The following GSN variants were observed in gnomAD, a reference collection of about 807,000 sequenced individuals.
GSN encodes the protein gelsolin.
In GSN, 56 loss-of-function variants were observed where a neutral mutation model predicts 85.7. The ratio of observed to expected loss-of-function variants is 0.65; its 90% confidence interval spans 0.53 to 0.82. The LOEUF is 0.82. GSN is among the 40% of genes least tolerant of loss of function. The pLI, the probability that GSN is intolerant of heterozygous loss-of-function variation, is 0.00. For missense variants in GSN, 857 were observed against 979.8 expected, an observed-to-expected ratio of 0.87 and a Z score of 1.67; for synonymous variants, 373 against 399.1, an observed-to-expected ratio of 0.93 and a Z score of 0.78.
At chr9:121,303,149 T>C (rs1455488892) in intron 4 of GSN, 84 bp downstream of exon 4, 1 of 1,368,970 alleles carries the variant, frequency 7.3e-7, no homozygotes, top group Non-Finnish European at 1.0e-6. Flanking sequence ...TCTTTTGGCC[T>C]TGTGATGCAG....
At position 121,320,034 on chromosome 9, in the gene GSN, G is replaced by A. The variant is rs990149022; in HGVS notation, c.1191+1154G>A. Among the ~76,000 whole-genome samples, 7 of 152,274 alleles carry A rather than the reference G, an allele frequency of 4.6e-5. No homozygotes were observed. In the East Asian group the frequency reaches 7.7e-4, roughly 17 times the overall value. ...GCAATGAAAATATTTCGGGTGGGGC[G>A]GTGTGGTAAGACCCCTGGCAGCCTG... On this transcript the variant is annotated intron_variant, in intron 10 of 17. Coordinates refer to ENST00000432226, the MANE Select transcript of GSN (RefSeq NM_198252.3).
At chr9:121,279,549 G>A (rs2057088838) in intron 1 of GSN, among the ~76,000 whole-genome samples, 1 of 152,078 alleles carries the variant, frequency 6.6e-6, no homozygotes. Flanking sequence ...CTGGAGGGGA[G>A]AGTGACAGAG....
Position 121,302,040 on chromosome 9 carries a change from G to A in GSN, c.69G>A (p.Glu23=), listed in dbSNP as rs1023047095. ...KEPGLQIWRV[E]KFDLVPVPTN... Reference sequence around the variant, plus strand: ...CTGGCCTGCAGATCTGGCGTGTGGAGAAGTTCGATCTGGTGCCCGTGCCCA... The same window carrying A: ...CTGGCCTGCAGATCTGGCGTGTGGAAAAGTTCGATCTGGTGCCCGTGCCCA... Residue 23 remains glutamate, a synonymous_variant, in exon 3 of 18, where the codon GAG becomes GAA. Transcript: ENST00000432226. 1.2e-6 allele frequency: 2 copies of A among 1,614,266 alleles called. No individual in the cohort carries two copies. The highest frequency in any genetic ancestry group is 3.3e-5 in the Admixed American group (2 of 60,034).
At chr9:121,321,449 C>A (rs1236122577) in intron 11 of GSN, 48 bp downstream of exon 11, 1 of 1,595,482 alleles carries the variant, frequency 6.3e-7, no homozygotes, top group Non-Finnish European at 8.6e-7. Flanking sequence ...ACTGGCTGGG[C>A]CCTGAGCAGG....
intron 4 of GSN, among the ~76,000 whole-genome samples, chr9:121,303,989 T>C (rs1248666987): frequency 6.6e-6 from 1 of 152,224 alleles, no homozygotes; most frequent in Non-Finnish European, 1.5e-5. Context: ...GACCCAGGAC[T>C]AGAACCCAGA....
chr9:121,251,981 A>G (rs1224781774), intron 6 of GSN, among the ~76,000 whole-genome samples: 1 of 152,162 alleles, frequency 6.6e-6, no homozygotes, highest in African/African-American at 2.4e-5. Flanking sequence ...CAAACAAACA[A>G]AAGACATACA....
At chr9:121,255,900 A>G (rs1004521782) in intron 6 of GSN, among the ~76,000 whole-genome samples, 3 of 152,220 alleles carry the variant, frequency 2.0e-5, no homozygotes, top group African/African-American at 7.2e-5. Context: ...TTCATCTTGC[A>G]TCAATTTACA....
chr9:121,310,724 A>G lies in GSN; in HGVS notation c.392A>G (p.Asn131Ser), dbSNP rs1188488372. The change falls in exon 5 of 18, where the codon AAC becomes AGC. Residue 131 changes from asparagine (N) to serine (S), a missense_variant. Physicochemically the swap from Asn to Ser is conservative, Grantham distance 46. Transcript: ENST00000432226. The part of the protein sequence containing the change: ...VASGFKHVVP[N>S]EVVVQRLFQV... ...TCAGGATTCAAGCACGTGGTACCCA[A>G]CGAGGTGGTGGTGCAGAGACTCTTC... The G allele has an allele frequency of 2.5e-6, 4 of 1,614,166 alleles. No homozygotes were observed. The highest frequency in any genetic ancestry group is 2.2e-5 in the South Asian group (2 of 91,082).
chr9:121,326,493 T>C lies in GSN; in HGVS notation c.1417-19T>C, dbSNP rs1245508970. ...CCTGCCCCCAAGGTCCCTGACTTGC[T>C]CTCCTGTCTCCCTGCCAGAGCCGTG... is the stretch of plus-strand genomic sequence containing the variant. On this transcript the variant is annotated intron_variant, in intron 12 of 17. Coordinates refer to ENST00000432226, the MANE Select transcript of GSN (RefSeq NM_198252.3). 2 of 1,611,884 alleles carry C rather than the reference T, an allele frequency of 1.2e-6. No homozygotes were observed. The highest frequency in any genetic ancestry group is 2.2e-5 in the South Asian group (2 of 90,970).
chr9:121,208,151 A>G, intron 1 of GSN, among the ~76,000 whole-genome samples: 1 of 152,138 alleles, frequency 6.6e-6, no homozygotes, highest in Non-Finnish European at 1.5e-5. Context: ...CCTCACCCAT[A>G]CACACACGGA....
chr9:121,220,567 G>A (rs2054151783), intron 4 of GSN, among the ~76,000 whole-genome samples: 1 of 152,230 alleles, frequency 6.6e-6, no homozygotes, highest in South Asian at 2.1e-4. Flanking sequence ...CCCGTCCAAA[G>A]CATTTTCCAA....
At chr9:121,297,136 T>C (rs1225118256) in intron 2 of GSN, among the ~76,000 whole-genome samples, 2 of 152,236 alleles carry the variant, frequency 1.3e-5, no homozygotes, top group Admixed American at 6.5e-5. Flanking sequence ...TTCCAAATTG[T>C]CTAATGAGCA....
intron 2 of GSN, chr9:121,300,230 A>T: frequency 1.3e-6 from 1 of 787,832 alleles, no homozygotes; most frequent in Non-Finnish European, 2.3e-6. Flanking sequence ...CCTTGGCCGG[A>T]TTTCTTTTCC....
intron 10 of GSN, among the ~76,000 whole-genome samples, chr9:121,319,264 G>GC (rs1423316493): frequency 6.6e-6 from 1 of 152,160 alleles, no homozygotes; most frequent in African/African-American, 2.4e-5. Flanking sequence ...GAGCTTTGCT[G>GC]CCGGAGAGGA....
intron 4 of GSN, among the ~76,000 whole-genome samples, chr9:121,226,903 G>A (rs911259039): frequency 6.6e-6 from 1 of 152,196 alleles, no homozygotes; most frequent in Admixed American, 6.5e-5. Context: ...TCATGCCTAC[G>A]TGATGAAGGC....
Position 121,313,978 on chromosome 9 carries a change from C to G in GSN, c.708C>G (p.Thr236=), listed in dbSNP as rs746183140. The stretch of plus-strand genomic sequence containing the variant: ...CTCTGCCTGCAGGTACCGAGGACAC[C>G]GCCAAGGAGGATGCGGCCAACCGCA... The part of the protein sequence containing the change: ...KPALPAGTED[T]AKEDAANRKL... The change falls in exon 7 of 18, where the codon ACC becomes ACG. Residue 236 remains threonine (T), a synonymous_variant. Coordinates refer to ENST00000432226, the MANE Select transcript of GSN (RefSeq NM_198252.3). The G allele has an allele frequency of 1.9e-5, 31 of 1,614,052 alleles. No individual in the cohort carries two copies. Among genetic ancestry groups the G allele is most frequent in the African/African-American group, 4.0e-5 (3 of 74,936 alleles).
At chr9:121,288,701 C>G (rs2058385456) in intron 2 of GSN, among the ~76,000 whole-genome samples, 1 of 152,114 alleles carries the variant, frequency 6.6e-6, no homozygotes, top group South Asian at 2.1e-4. Context: ...CTGTCCCCTT[C>G]CTGATGTGAA....
intron 5 of GSN, chr9:121,312,107 T>C (rs2061215238): frequency 3.8e-6 from 2 of 523,722 alleles, no homozygotes; most frequent in African/African-American, 1.9e-5. Flanking sequence ...TAGATGTAGT[T>C]GTACCTGTGA....
intron 2 of GSN, chr9:121,281,818 C>G (rs1290849266): frequency 4.2e-6 from 2 of 471,232 alleles, no homozygotes; most frequent in Non-Finnish European, 8.8e-6. Flanking sequence ...TGGCTCCCAC[C>G]CTGGCTGTGC....
Sources: allele counts gnomAD v4.1 joint callset (sites outside exome capture counted in the v4.1 genomes callset), GRCh38; gene constraint gnomAD v4.1.1; transcripts MANE v1.5; gene names NCBI Gene and HGNC (gene_info 2026-07-23, HGNC 2026-07-21).